The following SEMA4D variants were observed in gnomAD, a reference collection of about 807,000 sequenced individuals.
SEMA4D encodes the protein semaphorin 4D, also known as semaphorin-4D.
SEMA4D carries 22 observed loss-of-function variants against 74.8 expected under a neutral mutation model. The observed-to-expected ratio is 0.29, with a 90% CI of 0.21 to 0.42. The LOEUF (loss-of-function observed/expected upper bound fraction) is 0.42. SEMA4D is among the 10% of genes least tolerant of loss of function. SEMA4D has a pLI of 1.00. For missense variants in SEMA4D, 937 were observed against 1,118.4 expected (o/e 0.84, Z 2.31); for synonymous variants, 445 against 463.7 (o/e 0.96, Z 0.52).
intron 15 of SEMA4D, 93 bp from the exon 16 acceptor site, chr9:89,379,722 T>C (rs953037527): frequency 1.4e-6 from 2 of 1,392,424 alleles, no homozygotes; most frequent in African/African-American, 1.4e-5. Flanking sequence ...CGCAAGAGTT[T>C]CACCCACTGT....
At chr9:89,363,616 C>T in intron 17 of SEMA4D, 1 of 1,593,608 alleles carries the variant, frequency 6.3e-7, no homozygotes. Flanking sequence ...CAATGGAAAG[C>T]CAATAAAACC....
intron 5 of SEMA4D, among the ~76,000 whole-genome samples, 153 bp downstream of exon 5, chr9:89,399,123 T>G (rs1023172123): frequency 6.6e-6 from 1 of 152,144 alleles, no homozygotes; most frequent in Non-Finnish European, 1.5e-5. Context: ...AGGGATGAGC[T>G]CCAAGACGCA....
At chr9:89,451,283 A>G (rs553465632) in intron 2 of SEMA4D, among the ~76,000 whole-genome samples, 7 of 152,228 alleles carry the variant, frequency 4.6e-5, no homozygotes, top group African/African-American at 1.7e-4. Context: ...TCCTCATCTG[A>G]TTCAGGCTGT....
intron 2 of SEMA4D, among the ~76,000 whole-genome samples, chr9:89,410,921 A>C (rs981000144): frequency 1.3e-5 from 2 of 152,226 alleles, no homozygotes; most frequent in East Asian, 1.9e-4. Flanking sequence ...TCAAATTATC[A>C]ATCAGTATGA....
At chr9:89,397,913 C>T (rs539229891) in intron 5 of SEMA4D, among the ~76,000 whole-genome samples, 5 of 152,242 alleles carry the variant, frequency 3.3e-5, no homozygotes, top group South Asian at 2.1e-4. Flanking sequence ...GAGCTGCAGA[C>T]GGGAATGAGT....
chr9:89,449,886 C>G, intron 2 of SEMA4D: 1 of 1,479,054 alleles, frequency 6.8e-7, no homozygotes, highest in Non-Finnish European at 9.4e-7. Flanking sequence ...AAAAATTGAC[C>G]TTGGGGTCCA....
At chr9:89,451,998 G>A (rs1283616431) in intron 2 of SEMA4D, among the ~76,000 whole-genome samples, 1 of 152,002 alleles carries the variant, frequency 6.6e-6, no homozygotes, top group Non-Finnish European at 1.5e-5. Flanking sequence ...GGGATCCTAT[G>A]AGGCATAAGG....
At chr9:89,482,916 G>T (rs903306338) in intron 1 of SEMA4D, among the ~76,000 whole-genome samples, 1 of 152,206 alleles carries the variant, frequency 6.6e-6, no homozygotes, top group African/African-American at 2.4e-5. Flanking sequence ...ATTATTAAAT[G>T]ACACTCTCTT....
chr9:89,403,328 A>G (rs1345636595), intron 3 of SEMA4D, among the ~76,000 whole-genome samples: 1 of 152,200 alleles, frequency 6.6e-6, no homozygotes, highest in Admixed American at 6.5e-5. Flanking sequence ...CTCAGATCCC[A>G]GAATCCCAAA....
At chr9:89,448,399 C>T (rs1385836583) in intron 2 of SEMA4D, among the ~76,000 whole-genome samples, 1 of 152,252 alleles carries the variant, frequency 6.6e-6, no homozygotes, top group African/African-American at 2.4e-5. Context: ...ACTGCCCAGG[C>T]ATAAGGGACC....
intron 1 of SEMA4D, among the ~76,000 whole-genome samples, chr9:89,478,227 G>C (rs1316524109): frequency 6.6e-6 from 1 of 152,200 alleles, no homozygotes; most frequent in Non-Finnish European, 1.5e-5. Flanking sequence ...CTAGATGTAA[G>C]AATCTCAGGA....
At chr9:89,478,523 G>C (rs1862330734) in intron 1 of SEMA4D, among the ~76,000 whole-genome samples, 1 of 152,144 alleles carries the variant, frequency 6.6e-6, no homozygotes, top group African/African-American at 2.4e-5. Flanking sequence ...CCCAGTGTGT[G>C]GTACTTTTTA....
chr9:89,366,030 A>G (rs556484272), intron 16 of SEMA4D, among the ~76,000 whole-genome samples: 8 of 152,316 alleles, frequency 5.3e-5, no homozygotes, highest in Admixed American at 3.3e-4. Flanking sequence ...CCTAGGAATG[A>G]GTCCCGAGGC....
chr9:89,423,641 C>T (rs1847446085), intron 2 of SEMA4D, among the ~76,000 whole-genome samples: 1 of 152,078 alleles, frequency 6.6e-6, no homozygotes, highest in African/African-American at 2.4e-5. Flanking sequence ...GCTGCCACAT[C>T]CCAGCTGTGT....
At chr9:89,362,793 A>T (rs763663709) in intron 18 of SEMA4D, among the ~76,000 whole-genome samples, 10 of 151,928 alleles carry the variant, frequency 6.6e-5, no homozygotes, top group Non-Finnish European at 1.5e-4. Context: ...TAATGCACTC[A>T]TTTGAGTGCT....
At chr9:89,392,209 G>A (rs1564597551) in intron 8 of SEMA4D, among the ~76,000 whole-genome samples, 1 of 152,210 alleles carries the variant, frequency 6.6e-6, no homozygotes, top group Non-Finnish European at 1.5e-5. Flanking sequence ...GTGGGGAGCT[G>A]TCTTAAAACA....
At chr9:89,496,549 T>C (rs975051798) in intron 1 of SEMA4D, among the ~76,000 whole-genome samples, 2 of 152,178 alleles carry the variant, frequency 1.3e-5, no homozygotes, top group African/African-American at 4.8e-5. Flanking sequence ...AACAGGCCAG[T>C]GCATCCCTCA....
intron 1 of SEMA4D, among the ~76,000 whole-genome samples, chr9:89,478,672 AATC>A (rs1190243763): frequency 7.9e-5 from 12 of 152,074 alleles, no homozygotes; most frequent in Non-Finnish European, 1.2e-4. Context: ...AGATGAAATG[AATC>A]ATCCTCACTG....
intron 13 of SEMA4D, chr9:89,385,968 T>C: frequency 1.0e-6 from 1 of 981,402 alleles, no homozygotes; most frequent in Non-Finnish European, 1.2e-6. Flanking sequence ...ACGAACCACT[T>C]CTCTTGTGGA....
Sources: allele counts gnomAD v4.1 joint callset (sites outside exome capture counted in the v4.1 genomes callset), GRCh38; gene constraint gnomAD v4.1.1; transcripts MANE v1.5; gene names NCBI Gene and HGNC (gene_info 2026-07-23, HGNC 2026-07-21).